The following TNFAIP2 variants were observed in gnomAD, a reference collection of about 807,000 sequenced individuals.
The protein encoded by TNFAIP2 is tumor necrosis factor alpha-induced protein 2.
Under a neutral mutation model 63.5 loss-of-function variants are expected in TNFAIP2, and 47 were observed. That is an observed-to-expected ratio of 0.74 (90% CI 0.59 to 0.94). TNFAIP2 has a LOEUF of 0.94. Among genes scored for constraint, TNFAIP2 ranks in the 40% least tolerant of loss-of-function variants. The pLI, the probability that TNFAIP2 is intolerant of heterozygous loss-of-function variation, is 0.00. For synonymous variants in TNFAIP2, 405 were observed against 390.2 expected, an observed-to-expected ratio of 1.04 and a Z score of -0.45; for missense variants, 787 against 850.2, an observed-to-expected ratio of 0.93 and a Z score of 0.92.
In TNFAIP2 at chr14:103,132,864, T is replaced by G. The variant is rs1480021273; in HGVS notation, c.1537T>G (p.Phe513Val). The change falls in exon 9 of 12, where the codon TTC (phenylalanine) becomes GTC (valine). Residue 513 changes from phenylalanine (F) to valine (V), a missense_variant. This residue lies in a region of TNFAIP2 where 523 missense variants were observed against 604.1 expected (regional missense o/e 0.87). Coordinates refer to ENST00000560869, the MANE Select transcript of TNFAIP2 (RefSeq NM_006291.4). ...TGAGTTCTCAGAGCTGCAGGGCTGT[T>G]TCCGGGAGGTGAGGAGGCTCTGGGC... ...LPEFSELQGC[F>V]REELMEALHL... 6.2e-6 allele frequency: 10 copies of G among 1,613,812 alleles called. No homozygotes were observed. The highest frequency in any genetic ancestry group is 8.5e-6 in the Non-Finnish European group (10 of 1,179,870).
chr14:103,135,368 T>C lies in TNFAIP2; in HGVS notation c.*8T>C. On this transcript the variant is annotated 3_prime_UTR_variant, in exon 12 of 12. Transcript: ENST00000560869. This position sits in a 1 kb window ranked among gnomAD's most constrained non-coding sequence, Gnocchi z 7.6. ...CTTATAAAGGTTGGTTAGCTTTTCC[T>C]GTGGCCTGACCTGCCTGTGAGTGCC... 6.3e-7 allele frequency: 1 copy of C among 1,596,400 alleles called. No individual in the cohort carries two copies. Among genetic ancestry groups the C allele is most frequent in the South Asian group, 1.1e-5 (1 of 87,926 alleles).
upstream of TNFAIP2, chr14:103,122,675 G>C (rs1239098012): frequency 8.8e-6 from 4 of 456,080 alleles, no homozygotes; most frequent in Non-Finnish European, 1.8e-5. Context: ...GGGCAAAGCC[G>C]GGTTGATGAT....
At chr14:103,122,935 A>C (rs1306395196), upstream of TNFAIP2, 1 of 411,958 alleles carries the variant, frequency 2.4e-6, no homozygotes, top group Non-Finnish European at 4.9e-6. Flanking sequence ...CCGCGCGGCC[A>C]GCACTCTGGC....
intron 4 of TNFAIP2, 32 bp downstream of exon 4, chr14:103,129,886 G>A (rs1282746490): frequency 6.2e-7 from 1 of 1,609,972 alleles, no homozygotes; most frequent in Non-Finnish European, 8.5e-7. Context: ...GGAGGGGCAG[G>A]GAGGCAGCAG....
Position 103,130,196 on chromosome 14 carries a change from C to T in TNFAIP2, c.1098+72C>T, listed in dbSNP as rs981243832. On this transcript the variant is annotated intron_variant, in intron 5 of 11. Transcript: ENST00000560869. Reference sequence around the variant, plus strand: ...TGGGGAGCCCCACGCACATTCCGTCCTGTGTGCATACCCATGCCCACCTCG... The same window carrying T: ...TGGGGAGCCCCACGCACATTCCGTCTTGTGTGCATACCCATGCCCACCTCG... 101 of 1,572,226 alleles carry T rather than the reference C, an allele frequency of 6.4e-5. No individual in the cohort carries two copies. The African/African-American group carries it at 1.1e-3, about 18-fold the overall frequency.
In TNFAIP2 at chr14:103,130,387, C is replaced by T. The variant is rs1485766816; in HGVS notation, c.1171C>T (p.Leu391=). Residue 391 remains leucine, a synonymous_variant, in exon 6 of 12, where the codon CTG becomes TTG. Coordinates refer to ENST00000560869, the MANE Select transcript of TNFAIP2 (RefSeq NM_006291.4). Reference sequence around the variant, plus strand: ...GGGCTCACAGATAAAGCGGGTGCTGCTGGTGGAGCTGCCTGCGTTCCTGAG... The same window carrying T: ...GGGCTCACAGATAAAGCGGGTGCTGTTGGTGGAGCTGCCTGCGTTCCTGAG... ...DLGSQIKRVL[L]VELPAFLRSY... 2 of 1,567,146 alleles carry T rather than the reference C, an allele frequency of 1.3e-6. No homozygotes were observed. Among genetic ancestry groups the T allele is most frequent in the East Asian group, 4.7e-5 (2 of 42,574 alleles).
chr14:103,132,791 T>C lies in TNFAIP2; in HGVS notation c.1464T>C (p.Pro488=). 1.2e-6 allele frequency: 2 copies of C among 1,613,900 alleles called. No homozygotes were observed. The highest frequency in any genetic ancestry group is 2.2e-5 in the East Asian group (1 of 44,878). The change falls in exon 9 of 12, where the codon CCT becomes CCC. Residue 488 remains proline (P), a synonymous_variant. Transcript: ENST00000560869. ...TCACGCACACCCGCTGGGCGGCCCC[T>C]GTGGAGACCCTGGAAAACATCATCG... ...KRFTHTRWAA[P]VETLENIIAT...
In TNFAIP2 at chr14:103,126,352, C is replaced by A; in HGVS notation, c.-106C>A. The A allele has an allele frequency of 1.3e-6, 1 of 773,416 alleles. No individual in the cohort carries two copies. Among genetic ancestry groups the A allele is most frequent in the Non-Finnish European group, 2.1e-6 (1 of 482,534 alleles). 47.9% of individuals were successfully genotyped at this position (773,416 alleles called of 1,614,324 possible). On this transcript the variant is annotated 5_prime_UTR_variant, in exon 2 of 12. Coordinates refer to ENST00000560869, the MANE Select transcript of TNFAIP2 (RefSeq NM_006291.4). ...CCAGGGTGATGCTGAAGATGATGAC[C>A]TTCTTCCAAGGCCTCTAGAGCCATC...
chr14:103,135,229 C>T lies in TNFAIP2; in HGVS notation c.1834C>T (p.Leu612=), dbSNP rs1256747731. ...TGCTCTCTTTGCCAGCAAAGGCCAC[C>T]TGAGCGCTATCCTGGCCATCAAGGG... The part of the protein sequence containing the change: ...TCYPDFSKGH[L]SAILAIKGNL... Residue 612 remains leucine, a synonymous_variant, in exon 12 of 12, where the codon CTG becomes TTG. Coordinates refer to ENST00000560869, the MANE Select transcript of TNFAIP2 (RefSeq NM_006291.4). The surrounding 1 kb of genome is among the most constrained non-coding windows in gnomAD (Gnocchi z 7.6). The T allele has an allele frequency of 6.2e-7, 1 of 1,613,904 alleles. No individual in the cohort carries two copies. The highest frequency in any genetic ancestry group is 1.1e-5 in the South Asian group (1 of 91,090).
chr14:103,130,068 C>T lies in TNFAIP2; in HGVS notation c.1042C>T (p.Pro348Ser). 6.2e-7 allele frequency: 1 copy of T among 1,613,384 alleles called. No individual in the cohort carries two copies. The highest frequency in any genetic ancestry group is 8.5e-7 in the Non-Finnish European group (1 of 1,179,918). ...GGCACGGCGCTGGGCTGAGGATGTG[C>T]CTCCCCAGAGGCTGGACGGCCACTG... ...LEARRWAEDV[P>S]PQRLDGHCHS... The change falls in exon 5 of 12, where the codon CCT (proline) becomes TCT (serine). Residue 348 changes from proline (P) to serine (S), a missense_variant. This residue lies in a region of TNFAIP2 where 523 missense variants were observed against 604.1 expected (regional missense o/e 0.87). Coordinates refer to ENST00000560869, the MANE Select transcript of TNFAIP2 (RefSeq NM_006291.4).
Position 103,134,148 on chromosome 14 carries a change from G to A in TNFAIP2, c.1823+345G>A, listed in dbSNP as rs537703640. Among the ~76,000 whole-genome samples, 4 of 152,342 alleles carry A rather than the reference G, an allele frequency of 2.6e-5. No individual in the cohort carries two copies. The South Asian group carries it at 6.2e-4, about 24-fold the overall frequency. On this transcript the variant is annotated intron_variant, in intron 11 of 11. Transcript: ENST00000560869. Reference sequence around the variant, plus strand: ...TTCACCCAGCCTGGGGGGCCTCTGCGGCCTAGGCCTATGCTCTGGGACCAG... The same window carrying A: ...TTCACCCAGCCTGGGGGGCCTCTGCAGCCTAGGCCTATGCTCTGGGACCAG...
Position 103,133,004 on chromosome 14 carries a change from G to C in TNFAIP2, c.1545+132G>C, listed in dbSNP as rs542641146. ...CATGTGAACACACGTGAATGCACGA[G>C]CATGTGAACACGTGCACATGTGAAC... is the stretch of plus-strand genomic sequence containing the variant. On this transcript the variant is annotated intron_variant, in intron 9 of 11. Coordinates refer to ENST00000560869, the MANE Select transcript of TNFAIP2 (RefSeq NM_006291.4). The C allele has an allele frequency of 9.2e-6, 13 of 1,419,186 alleles. No individual in the cohort carries two copies. The African/African-American group carries it at 1.7e-4, about 18-fold the overall frequency. The allele number at this position is 1,419,186 out of a possible 1,614,324, so 87.9% of individuals were successfully genotyped here.
At position 103,125,645 on chromosome 14, in the gene TNFAIP2, G is replaced by A. The variant is rs534962909; in HGVS notation, c.-148-665G>A. Among the ~76,000 whole-genome samples the A allele has an allele frequency of 1.3e-3, 201 of 152,334 alleles. 1 individual carries two copies. Among genetic ancestry groups the A allele is most frequent in the African/African-American group, 4.5e-3 (188 of 41,578 alleles). On this transcript the variant is annotated intron_variant, in intron 1 of 11. Coordinates refer to ENST00000560869, the MANE Select transcript of TNFAIP2 (RefSeq NM_006291.4). ...TTCAGGCCGCCCTGTGACTTGCTGAGCCCCTTGCCCCAGTGATGTGTGAAA... is the reference window on the plus strand; with the variant it reads ...TTCAGGCCGCCCTGTGACTTGCTGAACCCCTTGCCCCAGTGATGTGTGAAA...
At position 103,131,251 on chromosome 14, in the gene TNFAIP2, T is replaced by C. The variant is rs1301760756; in HGVS notation, c.1298+101T>C. ...AGGAGGAGCTGCTTAGGCCAAGAAGTGGAATTCAAACCAGCAACATGTGTG... is the reference window on the plus strand; with the variant it reads ...AGGAGGAGCTGCTTAGGCCAAGAAGCGGAATTCAAACCAGCAACATGTGTG... On this transcript the variant is annotated intron_variant, in intron 7 of 11. Transcript: ENST00000560869. The surrounding 1 kb of genome is among the most constrained non-coding windows in gnomAD (Gnocchi z 4.0). 1.5e-6 allele frequency: 2 copies of C among 1,310,250 alleles called. No individual in the cohort carries two copies. Among genetic ancestry groups the C allele is most frequent in the South Asian group, 2.4e-5 (2 of 82,322 alleles). 81.2% of individuals were successfully genotyped at this position (1,310,250 alleles called of 1,614,324 possible). A position where few individuals can be genotyped will look rare whatever the true frequency, so the allele number is the denominator to read the frequency against.
Position 103,135,442 on chromosome 14 carries a change from G to A in TNFAIP2, c.*82G>A. The A allele has an allele frequency of 6.6e-7, 1 of 1,518,576 alleles. No homozygotes were observed. Among genetic ancestry groups the A allele is most frequent in the East Asian group, 2.3e-5 (1 of 44,154 alleles). The allele number at this position is 1,518,576 out of a possible 1,614,324, so 94.1% of individuals were successfully genotyped here. A position where few individuals can be genotyped will look rare whatever the true frequency, so the allele number is the denominator to read the frequency against. ...CTGGGAGCTGTTAAGAGCAGCGCTG[G>A]TTCTCGGTTCCTCCCGGGTCTCCTG... On this transcript the variant is annotated 3_prime_UTR_variant, in exon 12 of 12. Transcript: ENST00000560869. The surrounding 1 kb of genome is among the most constrained non-coding windows in gnomAD (Gnocchi z 7.6).
At position 103,136,139 on chromosome 14, in the gene TNFAIP2, G is replaced by T. The variant is rs2088091199; in HGVS notation, c.*779G>T. 1 of 828,354 alleles carries T rather than the reference G, an allele frequency of 1.2e-6. No individual in the cohort carries two copies. Among genetic ancestry groups the T allele is most frequent in the Admixed American group, 3.7e-5 (1 of 26,774 alleles). 51.3% of individuals were successfully genotyped at this position (828,354 alleles called of 1,614,324 possible). On this transcript the variant is annotated 3_prime_UTR_variant, in exon 12 of 12. Transcript: ENST00000560869. The stretch of plus-strand genomic sequence containing the variant: ...CCCAAGGCAGGGACAGGCCCTGGGG[G>T]TGCCACCGTGGGCCCTGCCACCCAG...
In TNFAIP2 at chr14:103,131,576, T is replaced by G. The variant is rs1315152810; in HGVS notation, c.1299-63T>G. 2.0e-6 allele frequency: 3 copies of G among 1,513,474 alleles called. No homozygotes were observed. Among genetic ancestry groups the G allele is most frequent in the Non-Finnish European group, 2.7e-6 (3 of 1,130,598 alleles). The allele number at this position is 1,513,474 out of a possible 1,614,324, so 93.8% of individuals were successfully genotyped here. Reference sequence around the variant, plus strand: ...GAGTGAAGAGAGGGGGCTGTCTGGCTCCCTGGGTATGGGGCTATAGGCTGA... The same window carrying G: ...GAGTGAAGAGAGGGGGCTGTCTGGCGCCCTGGGTATGGGGCTATAGGCTGA... On this transcript the variant is annotated intron_variant, in intron 7 of 11. Coordinates refer to ENST00000560869, the MANE Select transcript of TNFAIP2 (RefSeq NM_006291.4). The surrounding 1 kb of genome is among the most constrained non-coding windows in gnomAD (Gnocchi z 4.0).
chr14:103,126,447 C>A lies in TNFAIP2; in HGVS notation c.-11C>A. On this transcript the variant is annotated 5_prime_UTR_variant, in exon 2 of 12. Transcript: ENST00000560869. ...TTGCAGTCCACATCAGAGGCAGAGT[C>A]AGAGGCCTCCATGTCGGAGGCCTCC... 1.3e-6 allele frequency: 2 copies of A among 1,570,012 alleles called. No homozygotes were observed. The highest frequency in any genetic ancestry group is 1.4e-5 in the African/African-American group (1 of 72,790).
rs958174 is a variant in TNFAIP2, at chr14:103,130,999, T to C, written c.1200-53T>C. On this transcript the variant is annotated intron_variant, in intron 6 of 11. Coordinates refer to ENST00000560869, the MANE Select transcript of TNFAIP2 (RefSeq NM_006291.4). ...GCAGGGAGGGCAGGGAGGCTGCTGCTGTGGTCCCAGTGTTTGGGCTGGTCC... is the reference window on the plus strand; with the variant it reads ...GCAGGGAGGGCAGGGAGGCTGCTGCCGTGGTCCCAGTGTTTGGGCTGGTCC... 5.4e-3 allele frequency: 8,605 copies of C among 1,583,324 alleles called. 216 individuals are homozygous for C. Among genetic ancestry groups the C allele is most frequent in the East Asian group, 0.041 (1,835 of 44,650 alleles).
Sources: allele counts gnomAD v4.1 joint callset (sites outside exome capture counted in the v4.1 genomes callset), GRCh38; gene constraint gnomAD v4.1.1; regional missense constraint gnomAD v4.1.1; non-coding constraint Gnocchi (gnomAD v3.1); transcripts MANE v1.5; gene names NCBI Gene and HGNC (gene_info 2026-07-23, HGNC 2026-07-21).